Variants in EPB41L4A observed in about 807,000 individuals in gnomAD.
EPB41L4A encodes erythrocyte membrane protein band 4.1 like 4A, also known as band 4.1-like protein 4A.
EPB41L4A carries 100 observed loss-of-function variants against 108.6 expected under a neutral mutation model. The observed-to-expected ratio is 0.92, with a 90% CI of 0.78 to 1.09. The LOEUF (loss-of-function observed/expected upper bound fraction) is 1.09, where lower values mean the gene tolerates loss of function less well. EPB41L4A is among the 50% of genes least tolerant of loss of function. The probability of loss-of-function intolerance (pLI) is 0.00; values close to 1 mark genes in which losing one functional copy is unlikely to be tolerated. For synonymous variants in EPB41L4A, 319 were observed against 289.0 expected (o/e 1.10, Z -1.05); for missense variants, 1,030 against 842.7 (o/e 1.22, Z -2.75).
At chr5:112,216,529 T>C (rs1474538339) in intron 12 of EPB41L4A, among the ~76,000 whole-genome samples, 1 of 152,204 alleles carries the variant, frequency 6.6e-6, no homozygotes, top group East Asian at 1.9e-4. Context: ...CACTTTCTTT[T>C]AAAAATTCTC....
intron 1 of EPB41L4A, among the ~76,000 whole-genome samples, chr5:112,361,401 T>C (rs907683326): frequency 3.3e-5 from 5 of 152,146 alleles, no homozygotes; most frequent in Non-Finnish European, 5.9e-5. Context: ...CAGGGCCCTC[T>C]GCCTAGGAAA....
chr5:112,363,230 G>T (rs1198342330), intron 1 of EPB41L4A, among the ~76,000 whole-genome samples: 1 of 152,030 alleles, frequency 6.6e-6, no homozygotes, highest in African/African-American at 2.4e-5. Context: ...TATTATAGAA[G>T]AATTTTATTC....
At chr5:112,248,167 T>A (rs751134654) in intron 9 of EPB41L4A, among the ~76,000 whole-genome samples, 3 of 152,248 alleles carry the variant, frequency 2.0e-5, no homozygotes, top group African/African-American at 7.2e-5. Context: ...CTTAACATAA[T>A]TGAAACAGGA....
At chr5:112,361,523 TAA>T (rs796244863) in intron 1 of EPB41L4A, among the ~76,000 whole-genome samples, 37 of 81,128 alleles carry the variant, frequency 4.6e-4, no homozygotes, top group African/African-American at 1.4e-3. Context: ...AATAAATACT[TAA>T]AAAAAAAAAA....
intron 18 of EPB41L4A, 71 bp from the exon 19 acceptor site, chr5:112,171,063 T>A: frequency 7.5e-7 from 1 of 1,335,298 alleles, no homozygotes; most frequent in Non-Finnish European, 1.1e-6. Context: ...CTAACTTTAA[T>A]AGTTTTCAGA....
intron 1 of EPB41L4A, among the ~76,000 whole-genome samples, chr5:112,393,361 AAAAG>A (rs1300456004): frequency 6.6e-6 from 1 of 152,192 alleles, no homozygotes; most frequent in African/African-American, 2.4e-5. Context: ...AATAAAGAAG[AAAAG>A]AGAGAAGAAT....
chr5:112,195,720 A>C lies in EPB41L4A; in HGVS notation c.1377-12T>G. 6.2e-7 allele frequency: 1 copy of C among 1,610,886 alleles called. No homozygotes were observed. ...TGTTATGGGCTTTCCTGTGAAAACAAATGAAGACATTTAAGAAAACAGGAG... is the reference window on the plus strand; with the variant it reads ...TGTTATGGGCTTTCCTGTGAAAACACATGAAGACATTTAAGAAAACAGGAG... On this transcript the variant is annotated splice_polypyrimidine_tract_variant and intron_variant, in intron 15 of 22. Coordinates refer to ENST00000261486, the MANE Select transcript of EPB41L4A (RefSeq NM_022140.5).
chr5:112,165,076 G>C lies in EPB41L4A; in HGVS notation c.1975C>G (p.Gln659Glu), dbSNP rs1445079987. The change falls in exon 23 of 23, where the codon CAG (glutamine) becomes GAG (glutamate). Residue 659 changes from glutamine (Q) to glutamate (E), a missense_variant. Physicochemically the swap from Gln to Glu is conservative, Grantham distance 29. Transcript: ENST00000261486. ...SKDSLMEEKP[Q>E]TSTNNLAGKH... Reference sequence around the variant, plus strand: ...CCAGCCAGGTTGTTTGTAGATGTCTGAGGTTTTTCTTCCATCAGGCTATCT... The same window carrying C: ...CCAGCCAGGTTGTTTGTAGATGTCTCAGGTTTTTCTTCCATCAGGCTATCT... 4 of 1,612,332 alleles carry C rather than the reference G, an allele frequency of 2.5e-6. No individual in the cohort carries two copies. Among genetic ancestry groups the C allele is most frequent in the Non-Finnish European group, 3.4e-6 (4 of 1,179,158 alleles).
intron 12 of EPB41L4A, among the ~76,000 whole-genome samples, chr5:112,229,308 T>C (rs1331390895): frequency 6.6e-6 from 1 of 152,238 alleles, no homozygotes; most frequent in African/African-American, 2.4e-5. Flanking sequence ...AGAAACCACA[T>C]GGCCTGCAAA....
intron 1 of EPB41L4A, among the ~76,000 whole-genome samples, chr5:112,324,616 G>A (rs1462104896): frequency 2.6e-5 from 4 of 151,754 alleles, no homozygotes; most frequent in East Asian, 3.9e-4. Context: ...CCAGTGACTC[G>A]GGAGGCTGAG....
chr5:112,339,496 C>CTA (rs1207569382), intron 1 of EPB41L4A, among the ~76,000 whole-genome samples: 20 of 32,302 alleles, frequency 6.2e-4, no homozygotes, highest in East Asian at 2.4e-3. Flanking sequence ...ATATATATAT[C>CTA]TATATATATA....
At chr5:112,242,690 G>C (rs561237580) in intron 9 of EPB41L4A, among the ~76,000 whole-genome samples, 1 of 152,092 alleles carries the variant, frequency 6.6e-6, no homozygotes, top group African/African-American at 2.4e-5. Context: ...ATTATCTATC[G>C]CATCTATAGT....
chr5:112,332,736 G>C (rs545955883), intron 1 of EPB41L4A, among the ~76,000 whole-genome samples: 9 of 152,252 alleles, frequency 5.9e-5, no homozygotes, highest in African/African-American at 2.2e-4. Context: ...GTTACAATTA[G>C]CAACTGAAAA....
intron 2 of EPB41L4A, among the ~76,000 whole-genome samples, chr5:112,300,476 C>T (rs941312020): frequency 6.6e-5 from 10 of 152,110 alleles, no homozygotes; most frequent in African/African-American, 2.4e-4. Context: ...AGATAGGGAC[C>T]CAATCCCTTC....
Position 112,259,224 on chromosome 5 carries a change from C to T in EPB41L4A, c.795+5G>A. On this transcript the variant is annotated splice_donor_5th_base_variant and intron_variant, in intron 9 of 22. Transcript: ENST00000261486. ...CTAATTTAAGCTAAGGGCTTGGAAACTTACATCTTTTCCCAGTACTCTGAG... is the reference window on the plus strand; with the variant it reads ...CTAATTTAAGCTAAGGGCTTGGAAATTTACATCTTTTCCCAGTACTCTGAG... The T allele has an allele frequency of 6.2e-7, 1 of 1,610,824 alleles. No homozygotes were observed. The highest frequency in any genetic ancestry group is 1.7e-5 in the Admixed American group (1 of 59,990).
chr5:112,368,326 G>A lies in EPB41L4A; in HGVS notation c.99+50615C>T, dbSNP rs1482131451. Reference sequence around the variant, plus strand: ...CTTGTCTGAGGCCATTCTTTCCACCGTATGTGTGACGCCACTCCCTCCCAC... The same window carrying A: ...CTTGTCTGAGGCCATTCTTTCCACCATATGTGTGACGCCACTCCCTCCCAC... On this transcript the variant is annotated intron_variant, in intron 1 of 22. Coordinates refer to ENST00000261486, the MANE Select transcript of EPB41L4A (RefSeq NM_022140.5). 3.3e-5 allele frequency among the ~76,000 whole-genome samples: 5 copies of A among 151,758 alleles called. No individual in the cohort carries two copies. In the South Asian group the frequency reaches 6.2e-4, roughly 19 times the overall value.
At chr5:112,357,765 G>A (rs534513877) in intron 1 of EPB41L4A, among the ~76,000 whole-genome samples, 1 of 152,150 alleles carries the variant, frequency 6.6e-6, no homozygotes, top group Non-Finnish European at 1.5e-5. Flanking sequence ...TTAAGGACTT[G>A]GAAGAAAATA....
chr5:112,353,013 AG>A (rs1758141542), intron 1 of EPB41L4A, among the ~76,000 whole-genome samples: 1 of 152,160 alleles, frequency 6.6e-6, no homozygotes. Flanking sequence ...AGTGTTGGTT[AG>A]GTAAGGTATT....
At chr5:112,366,077 A>C (rs1759103086) in intron 1 of EPB41L4A, among the ~76,000 whole-genome samples, 1 of 152,150 alleles carries the variant, frequency 6.6e-6, no homozygotes, top group Non-Finnish European at 1.5e-5. Context: ...ACAATTCAAA[A>C]GGACCCCAGG....
Sources: gnomAD v4.1 joint callset for allele counts (sites outside exome capture counted in the v4.1 genomes callset) on GRCh38, gnomAD v4.1.1 for gene constraint, MANE v1.5 for transcripts, NCBI Gene and HGNC (gene_info 2026-07-23, HGNC 2026-07-21) for gene names.